ULK4: variants seen among roughly 807,000 people sequenced by gnomAD.
The protein encoded by ULK4 is unc-51 like kinase 4, also known as inactive serine/threonine-protein kinase ULK4.
In ULK4, 133 loss-of-function variants were observed where a neutral mutation model predicts 160.6. The ratio of observed to expected loss-of-function variants is 0.83; its 90% CI spans 0.72 to 0.96. The LOEUF (loss-of-function observed/expected upper bound fraction) is 0.96, where lower values mean the gene tolerates loss of function less well. Among genes scored for constraint, ULK4 ranks in the 40% least tolerant of loss-of-function variants. The pLI is 0.00. For synonymous variants in ULK4, 534 were observed against 539.8 expected (o/e 0.99, Z 0.15); for missense variants, 1,580 against 1,499.5 (o/e 1.05, Z -0.89).
intron 5 of ULK4, among the ~76,000 whole-genome samples, chr3:41,925,545 A>T (rs1000113810): frequency 3.3e-5 from 5 of 152,146 alleles, no homozygotes; most frequent in African/African-American, 9.7e-5. Context: ...GGAAGGCCAG[A>T]GAGACAGGAC....
At chr3:41,717,700 G>A (rs1482729634) in intron 23 of ULK4, 28 bp downstream of exon 23, 2 of 1,583,356 alleles carry the variant, frequency 1.3e-6, no homozygotes, top group Non-Finnish European at 8.6e-7. Context: ...AAGCAGAAAT[G>A]GGGCCTGAGG....
At chr3:41,929,845 A>G (rs561274878) in intron 5 of ULK4, among the ~76,000 whole-genome samples, 3 of 152,276 alleles carry the variant, frequency 2.0e-5, no homozygotes, top group African/African-American at 7.2e-5. Flanking sequence ...AGAGGACACA[A>G]ACAAATGGAA....
chr3:41,569,500 TAAAAAA>T (rs901007687), intron 31 of ULK4, among the ~76,000 whole-genome samples: 2 of 151,982 alleles, frequency 1.3e-5, no homozygotes, highest in African/African-American at 4.8e-5. Flanking sequence ...CAGTGGACCT[TAAAAAA>T]AACTGAAAAA....
intron 31 of ULK4, among the ~76,000 whole-genome samples, chr3:41,591,697 A>C (rs930135913): frequency 5.9e-5 from 9 of 152,194 alleles, no homozygotes; most frequent in Admixed American, 4.6e-4. Context: ...GGATAAGGTT[A>C]AAATAACGTA....
At chr3:41,521,241 CCTAACAGTCCT>C (rs1286198825) in intron 32 of ULK4, among the ~76,000 whole-genome samples, 1 of 152,148 alleles carries the variant, frequency 6.6e-6, no homozygotes, top group Admixed American at 6.5e-5. Flanking sequence ...CATTACTCAA[CCTAACAGTCCT>C]CTGTCAGTAG....
intron 35 of ULK4, among the ~76,000 whole-genome samples, chr3:41,306,992 C>T (rs1334654297): frequency 1.3e-5 from 2 of 150,738 alleles, no homozygotes; most frequent in Non-Finnish European, 3.0e-5. Context: ...CTCAAGTACC[C>T]AGGGACACAA....
intron 32 of ULK4, among the ~76,000 whole-genome samples, chr3:41,472,624 T>C (rs990670708): frequency 1.4e-5 from 2 of 143,774 alleles, no homozygotes; most frequent in African/African-American, 5.1e-5. Context: ...ATTGAATAAA[T>C]AGTAAAAAGT....
At chr3:41,546,242 G>A (rs1248856817) in intron 32 of ULK4, among the ~76,000 whole-genome samples, 1 of 151,856 alleles carries the variant, frequency 6.6e-6, no homozygotes, top group East Asian at 1.9e-4. Context: ...TTTTTGTTCT[G>A]GGCGGCAGTT....
intron 34 of ULK4, among the ~76,000 whole-genome samples, chr3:41,454,073 T>C (rs1416004078): frequency 2.7e-5 from 4 of 148,464 alleles, no homozygotes; most frequent in Admixed American, 1.4e-4. Context: ...ATATACCTAA[T>C]GTAAATGATG....
intron 4 of ULK4, among the ~76,000 whole-genome samples, chr3:41,934,049 TAATAA>T (rs1287072957): frequency 6.6e-6 from 1 of 151,996 alleles, no homozygotes; most frequent in African/African-American, 2.4e-5. Flanking sequence ...AAAAAAATAA[TAATAA>T]AATAAAAAAA....
At chr3:41,961,550 A>ACCCCCCCTCCCCCCCC (rs1700669869) in intron 1 of ULK4, among the ~76,000 whole-genome samples, 6 of 124,704 alleles carry the variant, frequency 4.8e-5, no homozygotes, top group African/African-American at 1.7e-4. Context: ...GTAGTCACTC[A>ACCCCCCCTCCCCCCCC]CCCCCCCCCC....
At chr3:41,489,840 C>A (rs1239408960) in intron 32 of ULK4, among the ~76,000 whole-genome samples, 1 of 152,084 alleles carries the variant, frequency 6.6e-6, no homozygotes, top group Non-Finnish European at 1.5e-5. Context: ...ATCATAAAGC[C>A]TAAAACATTA....
chr3:41,828,974 C>G (rs111821658), intron 18 of ULK4, among the ~76,000 whole-genome samples: 32,719 of 145,022 alleles, frequency 0.23, 3,495 homozygotes, highest in African/African-American at 0.4. Context: ...CAGAACAGAG[C>G]CCTCAGAAAT....
intron 5 of ULK4, among the ~76,000 whole-genome samples, chr3:41,924,328 G>T (rs560050659): frequency 1.9e-4 from 29 of 152,232 alleles, no homozygotes; most frequent in African/African-American, 6.7e-4. Flanking sequence ...TTATCTTAAT[G>T]CCACAGGGAT....
rs2086803677 is a variant in ULK4 at position 41,544,769 on chromosome 3, A to G, written c.3226+21256T>C. Among the ~76,000 whole-genome samples the G allele has an allele frequency of 2.0e-5, 3 of 152,290 alleles. 1 individual carries two copies. The highest frequency in any genetic ancestry group is 4.1e-4 in the South Asian group (2 of 4,828). ...ATGAGTAGGGTTTTTCCAGGGAGGT[A>G]TGAGACAGGTCAAATTGTGGCAATG... On this transcript the variant is annotated intron_variant, in intron 32 of 36. Coordinates refer to ENST00000301831, the MANE Select transcript of ULK4 (RefSeq NM_017886.4).
chr3:41,721,395 A>C, intron 22 of ULK4, among the ~76,000 whole-genome samples: 1 of 108,394 alleles, frequency 9.2e-6, no homozygotes, highest in African/African-American at 3.7e-5. Flanking sequence ...ACGGAATCTC[A>C]CTCTGTCACC....
At chr3:41,710,138 T>C (rs2037042169) in intron 25 of ULK4, among the ~76,000 whole-genome samples, 2 of 152,338 alleles carry the variant, frequency 1.3e-5, no homozygotes, top group South Asian at 2.1e-4. Context: ...GTCTAAATGC[T>C]GAAATTATTA....
At chr3:41,579,759 T>C (rs187589153) in intron 31 of ULK4, among the ~76,000 whole-genome samples, 2,069 of 152,250 alleles carry the variant, frequency 0.014, 28 homozygotes, top group Non-Finnish European at 0.02. Context: ...CCCAAAGTGC[T>C]GGGATTACAG....
chr3:41,767,295 T>C (rs557315842), intron 21 of ULK4, among the ~76,000 whole-genome samples: 47 of 152,264 alleles, frequency 3.1e-4, no homozygotes, highest in African/African-American at 1.0e-3. Context: ...AGAAAAATCA[T>C]CCATTTCTTA....
Sources: gnomAD v4.1 joint callset for allele counts (sites outside exome capture counted in the v4.1 genomes callset) on GRCh38, gnomAD v4.1.1 for gene constraint, MANE v1.5 for transcripts, NCBI Gene and HGNC (gene_info 2026-07-23, HGNC 2026-07-21) for gene names.